ITPR1: variants seen among roughly 807,000 people sequenced by gnomAD.
ITPR1 encodes the protein inositol 1,4,5-trisphosphate-gated calcium channel ITPR1.
ITPR1 carries 96 observed loss-of-function variants against 318.4 expected under a neutral mutation model. That is an observed-to-expected ratio of 0.30 (90% CI 0.26 to 0.36). The LOEUF is 0.36. ITPR1 is among the 10% of genes least tolerant of loss of function. The probability of loss-of-function intolerance (pLI) is 1.00; values close to 1 mark genes in which losing one functional copy is unlikely to be tolerated. For missense variants in ITPR1, 2,440 were observed against 3,460.2 expected, an observed-to-expected ratio of 0.71 and a Z score of 7.40; for synonymous variants, 1,312 against 1,289.9, an observed-to-expected ratio of 1.02 and a Z score of -0.37.
chr3:4,837,539 G>A (rs2106545328), intron 61 of ITPR1, among the ~76,000 whole-genome samples: 1 of 151,982 alleles, frequency 6.6e-6, no homozygotes, highest in African/African-American at 2.4e-5. Context: ...AATACTGCCT[G>A]CACCCTGCTT....
chr3:4,796,779 C>G (rs907626451), intron 53 of ITPR1, among the ~76,000 whole-genome samples: 1 of 151,688 alleles, frequency 6.6e-6, no homozygotes, highest in Non-Finnish European at 1.5e-5. Context: ...GCCCATTTGC[C>G]AAGCCACTCT....
At chr3:4,627,170 TAAA>T (rs71623171) in intron 4 of ITPR1, among the ~76,000 whole-genome samples, 10 of 147,332 alleles carry the variant, frequency 6.8e-5, no homozygotes, top group African/African-American at 2.5e-4. Context: ...TGGATTTGTA[TAAA>T]AAAAAAAATA....
rs2093875848 is a variant in ITPR1, at chr3:4,663,263, G to T, written c.1554+57G>T. 3.9e-6 allele frequency: 6 copies of T among 1,522,090 alleles called. No individual in the cohort carries two copies. The South Asian group carries it at 7.6e-5, about 19-fold the overall frequency. The allele number at this position is 1,522,090 out of a possible 1,614,324, so 94.3% of individuals were successfully genotyped here. On this transcript the variant is annotated intron_variant, in intron 16 of 61. Coordinates refer to ENST00000649015, the MANE Select transcript of ITPR1 (RefSeq NM_001378452.1). ...CTTTATGAGAAATCATAAAGCATGAGTGGTAGCTCATGCCTGTAGTCCCAG... is the reference window on the plus strand; with the variant it reads ...CTTTATGAGAAATCATAAAGCATGATTGGTAGCTCATGCCTGTAGTCCCAG...
At chr3:4,729,662 T>A (rs900672981) in intron 42 of ITPR1, among the ~76,000 whole-genome samples, 2 of 152,226 alleles carry the variant, frequency 1.3e-5, no homozygotes, top group African/African-American at 4.8e-5. Flanking sequence ...CTCATATTGG[T>A]AGAGTGACCA....
At chr3:4,831,844 G>A (rs572900168) in intron 60 of ITPR1, among the ~76,000 whole-genome samples, 19 of 152,310 alleles carry the variant, frequency 1.2e-4, no homozygotes, top group Non-Finnish European at 2.5e-4. Flanking sequence ...TTGGATTCAG[G>A]TGTTCTCTCT....
chr3:4,593,302 A>G (rs1428784139), intron 4 of ITPR1, among the ~76,000 whole-genome samples: 3 of 152,170 alleles, frequency 2.0e-5, no homozygotes, highest in Admixed American at 2.0e-4. Flanking sequence ...CCCTTTGCTT[A>G]GTAACTGTTG....
intron 4 of ITPR1, among the ~76,000 whole-genome samples, chr3:4,603,452 CAG>C (rs1173156262): frequency 6.6e-6 from 1 of 151,944 alleles, no homozygotes; most frequent in Non-Finnish European, 1.5e-5. Context: ...GTTTTTGAGA[CAG>C]AGTCTCCTTC....
intron 4 of ITPR1, among the ~76,000 whole-genome samples, chr3:4,538,218 C>G (rs1236517636): frequency 6.6e-6 from 1 of 152,066 alleles, no homozygotes; most frequent in Admixed American, 6.5e-5. Context: ...CCAAACAACC[C>G]TATTAAAAAG....
intron 53 of ITPR1, among the ~76,000 whole-genome samples, chr3:4,798,694 G>T (rs1575291520): frequency 6.6e-6 from 1 of 152,316 alleles, no homozygotes; most frequent in Non-Finnish European, 1.5e-5. Context: ...GAAACTCATT[G>T]ATTGTTAACT....
intron 57 of ITPR1, among the ~76,000 whole-genome samples, chr3:4,813,971 A>T (rs1005290292): frequency 2.0e-5 from 3 of 152,178 alleles, no homozygotes; most frequent in African/African-American, 7.2e-5. Flanking sequence ...CTCCAATGTA[A>T]AGCAGTTGAT....
intron 60 of ITPR1, among the ~76,000 whole-genome samples, chr3:4,824,403 G>A (rs1042087967): frequency 5.3e-5 from 8 of 152,180 alleles, no homozygotes; most frequent in Admixed American, 4.6e-4. Context: ...GGGTCGCGGC[G>A]CTGGGAAGTG....
chr3:4,612,364 T>C (rs547391332), intron 4 of ITPR1, among the ~76,000 whole-genome samples: 109 of 152,100 alleles, frequency 7.2e-4, no homozygotes, highest in Admixed American at 4.8e-3. Flanking sequence ...ACCTGGCCAC[T>C]ATATCAGGCA....
intron 4 of ITPR1, among the ~76,000 whole-genome samples, chr3:4,600,335 G>A (rs1020716093): frequency 1.3e-5 from 2 of 152,086 alleles, no homozygotes; most frequent in Admixed American, 1.3e-4. Context: ...GAGGATTTCT[G>A]TGGTCGTGTA....
At chr3:4,622,109 CTTT>C (rs894926425) in intron 4 of ITPR1, among the ~76,000 whole-genome samples, 144 of 105,836 alleles carry the variant, frequency 1.4e-3, no homozygotes, top group Middle Eastern at 0.013. Flanking sequence ...ACATAGTAGA[CTTT>C]TTTTTTTTTT....
chr3:4,501,900 C>T (rs906693696), intron 2 of ITPR1, among the ~76,000 whole-genome samples: 8 of 152,174 alleles, frequency 5.3e-5, no homozygotes, highest in Non-Finnish European at 1.0e-4. Flanking sequence ...TCTGACCTGT[C>T]CCATCAGCAG....
chr3:4,666,933 T>A (rs1017592206), intron 17 of ITPR1, among the ~76,000 whole-genome samples: 1 of 152,160 alleles, frequency 6.6e-6, no homozygotes, highest in Non-Finnish European at 1.5e-5. Context: ...TTACCACAAA[T>A]AAAGGAAATG....
intron 4 of ITPR1, among the ~76,000 whole-genome samples, chr3:4,599,572 T>A (rs2091112919): frequency 6.6e-6 from 1 of 152,162 alleles, no homozygotes; most frequent in South Asian, 2.1e-4. Context: ...CACCTTACAG[T>A]TCTTGAGTGA....
chr3:4,668,334 T>C (rs2093995861), intron 18 of ITPR1, among the ~76,000 whole-genome samples: 1 of 152,072 alleles, frequency 6.6e-6, no homozygotes, highest in African/African-American at 2.4e-5. Flanking sequence ...ATTGTTTTGA[T>C]TTTTAGATCC....
At chr3:4,821,634 G>C (rs1364494639) in intron 60 of ITPR1, among the ~76,000 whole-genome samples, 1 of 152,196 alleles carries the variant, frequency 6.6e-6, no homozygotes, top group Non-Finnish European at 1.5e-5. Context: ...CTAGTCCCAT[G>C]TCCCAAGGGC....
Sources: allele counts gnomAD v4.1 joint callset (sites outside exome capture counted in the v4.1 genomes callset), GRCh38; gene constraint gnomAD v4.1.1; transcripts MANE v1.5; gene names NCBI Gene and HGNC (gene_info 2026-07-23, HGNC 2026-07-21).